The following PTPRT variants were observed in gnomAD, a reference collection of about 807,000 sequenced individuals.
PTPRT encodes the protein receptor-type tyrosine-protein phosphatase T.
Under a neutral mutation model 176.8 loss-of-function variants are expected in PTPRT, and 56 were observed. The ratio of observed to expected loss-of-function variants is 0.32; its 90% CI spans 0.26 to 0.40. The LOEUF (loss-of-function observed/expected upper bound fraction) is 0.40, where lower values mean the gene tolerates loss of function less well. PTPRT is among the 10% of genes least tolerant of loss of function. The pLI, the probability that PTPRT is intolerant of heterozygous loss-of-function variation, is 1.00. For synonymous variants in PTPRT, 783 were observed against 739.0 expected (o/e 1.06, Z -0.96); for missense variants, 1,540 against 1,908.2 (o/e 0.81, Z 3.60).
In PTPRT at chr20:42,780,238, C is replaced by T. The variant is rs768757373; in HGVS notation, c.548G>A (p.Arg183Gln). Residue 183 changes from arginine to glutamine, a missense_variant, in exon 4 of 31, where the codon CGG becomes CAG. Arg to Gln is a conservative substitution (Grantham distance 43, BLOSUM62 1). This residue lies in a region of PTPRT where 273 missense variants were observed against 432.1 expected (regional missense o/e 0.63). Coordinates refer to ENST00000373187, the MANE Select transcript of PTPRT (RefSeq NM_007050.6). The part of the protein sequence containing the change: ...HPGYIAVDEV[R>Q]VLAHPCRKAP... ...CTTACTGCATGGATGAGCAAGGACC[C>T]GGACCTCGTCCACGGCGATGTAGCC... is the stretch of plus-strand genomic sequence containing the variant. 5 of 1,613,952 alleles carry T rather than the reference C, an allele frequency of 3.1e-6. No individual in the cohort carries two copies. In the East Asian group the frequency reaches 6.7e-5, roughly 22 times the overall value.
chr20:43,121,225 A>G (rs1403215687), intron 1 of PTPRT, among the ~76,000 whole-genome samples: 2 of 152,120 alleles, frequency 1.3e-5, no homozygotes, highest in African/African-American at 4.8e-5. Flanking sequence ...ATTTCTTTGC[A>G]TAAAATATAT....
At chr20:43,137,704 G>T (rs1182381915) in intron 1 of PTPRT, among the ~76,000 whole-genome samples, 1 of 152,178 alleles carries the variant, frequency 6.6e-6, no homozygotes, top group East Asian at 1.9e-4. Context: ...CCTTTGCAGA[G>T]ACTGCAGCCC....
At chr20:42,812,357 G>C (rs2077710581) in intron 2 of PTPRT, among the ~76,000 whole-genome samples, 1 of 152,048 alleles carries the variant, frequency 6.6e-6, no homozygotes, top group South Asian at 2.1e-4. Flanking sequence ...TCACCCCAAA[G>C]AGAAATTTTG....
At chr20:42,481,668 G>A (rs1484173315) in intron 7 of PTPRT, among the ~76,000 whole-genome samples, 1 of 151,164 alleles carries the variant, frequency 6.6e-6, no homozygotes, top group African/African-American at 2.4e-5. Flanking sequence ...CTCACTATTT[G>A]CCCAAGCGGG....
At chr20:42,760,380 CTTTTTTTTTTTTTTTTT>C (rs754362528) in intron 5 of PTPRT, among the ~76,000 whole-genome samples, 14 of 94,244 alleles carry the variant, frequency 1.5e-4, no homozygotes, top group Non-Finnish European at 1.9e-4. Flanking sequence ...TCTAAATCTG[CTTTTTTTTTTTTTTTTT>C]TTTTTTTTTT....
intron 6 of PTPRT, among the ~76,000 whole-genome samples, chr20:42,716,692 T>A (rs2076228786): frequency 1.3e-5 from 2 of 152,138 alleles, no homozygotes. Flanking sequence ...TTTCTCCCAT[T>A]CCCAAAGGAT....
At chr20:42,952,204 T>C (rs1275616878) in intron 1 of PTPRT, among the ~76,000 whole-genome samples, 1 of 152,172 alleles carries the variant, frequency 6.6e-6, no homozygotes, top group East Asian at 1.9e-4. Context: ...AGTCCACACG[T>C]CATGCCACCA....
At position 42,161,623 on chromosome 20, in the gene PTPRT, T is replaced by C. The variant is rs1989605122; in HGVS notation, c.2492-81A>G. The C allele has an allele frequency of 2.1e-6, 3 of 1,457,788 alleles. No homozygotes were observed. The East Asian group carries it at 7.0e-5, about 34-fold the overall frequency. The allele number at this position is 1,457,788 out of a possible 1,614,324, so 90.3% of individuals were successfully genotyped here. On this transcript the variant is annotated intron_variant, in intron 16 of 30. Transcript: ENST00000373187. ...CCTCCCTGTCTCCCCCAGCTTGGCC[T>C]GAGGAGGGCAGAGGGAACCAACTTG...
At chr20:42,590,841 G>A (rs748807325) in intron 7 of PTPRT, among the ~76,000 whole-genome samples, 5 of 151,688 alleles carry the variant, frequency 3.3e-5, no homozygotes, top group African/African-American at 4.8e-5. Context: ...TTAAAACCTC[G>A]ATAATTGATT....
chr20:42,439,943 T>C (rs1449440313), intron 9 of PTPRT, among the ~76,000 whole-genome samples: 1 of 152,216 alleles, frequency 6.6e-6, no homozygotes, highest in East Asian at 1.9e-4. Context: ...AGTCTCGCTC[T>C]GTTGCCAGGC....
At chr20:43,139,409 C>T (rs1827836491) in intron 1 of PTPRT, among the ~76,000 whole-genome samples, 3 of 152,186 alleles carry the variant, frequency 2.0e-5, no homozygotes, top group Admixed American at 2.0e-4. Flanking sequence ...CTTGGAGAAG[C>T]TCCGAGCAGT....
chr20:42,889,778 G>A (rs1338955872), intron 1 of PTPRT, among the ~76,000 whole-genome samples: 2 of 152,200 alleles, frequency 1.3e-5, no homozygotes, highest in African/African-American at 4.8e-5. Flanking sequence ...AATACTGCAT[G>A]ATGACAAAAA....
intron 9 of PTPRT, among the ~76,000 whole-genome samples, chr20:42,381,250 C>G (rs553563356): frequency 2.6e-5 from 4 of 152,140 alleles, no homozygotes; most frequent in Non-Finnish European, 5.9e-5. Context: ...TAGGGTGATA[C>G]TTTTGAGCCC....
intron 27 of PTPRT, among the ~76,000 whole-genome samples, chr20:42,088,202 A>G (rs915054726): frequency 6.6e-6 from 1 of 152,196 alleles, no homozygotes; most frequent in African/African-American, 2.4e-5. Flanking sequence ...GTTACCCTGA[A>G]GATATAGCCA....
At position 42,756,448 on chromosome 20, in the gene PTPRT, C is replaced by A. The variant is rs1260878973; in HGVS notation, c.859+14G>T. On this transcript the variant is annotated intron_variant, in intron 6 of 30. Coordinates refer to ENST00000373187, the MANE Select transcript of PTPRT (RefSeq NM_007050.6). ...CCTTCCATGGCAGTAGAGGCGCAGG[C>A]TGGAGGCACTCACCTTTCACGATCA... 1.3e-6 allele frequency: 2 copies of A among 1,530,860 alleles called. No individual in the cohort carries two copies. Among genetic ancestry groups the A allele is most frequent in the Non-Finnish European group, 8.8e-7 (1 of 1,133,374 alleles). 94.8% of individuals were successfully genotyped at this position (1,530,860 alleles called of 1,614,324 possible).
At chr20:42,345,866 G>A (rs1000354411) in intron 11 of PTPRT, among the ~76,000 whole-genome samples, 10 of 152,066 alleles carry the variant, frequency 6.6e-5, no homozygotes, top group South Asian at 6.2e-4. Context: ...AAAGGAAACC[G>A]GAAACAAGGC....
chr20:42,476,339 A>G (rs1044394326), intron 7 of PTPRT, among the ~76,000 whole-genome samples: 9 of 152,302 alleles, frequency 5.9e-5, no homozygotes, highest in Admixed American at 5.9e-4. Context: ...CAAATGGCAG[A>G]ATATTGGGTG....
At chr20:42,245,938 T>G (rs1008215091) in intron 14 of PTPRT, among the ~76,000 whole-genome samples, 1 of 152,172 alleles carries the variant, frequency 6.6e-6, no homozygotes, top group African/African-American at 2.4e-5. Context: ...GTTGTAGCAG[T>G]GTTGGCCTCT....
chr20:43,084,658 C>T (rs150964137), intron 1 of PTPRT, among the ~76,000 whole-genome samples: 150 of 152,220 alleles, frequency 9.9e-4, no homozygotes, highest in African/African-American at 3.5e-3. Flanking sequence ...TTTTAATCAT[C>T]GTTTGTTATT....
Sources: allele counts gnomAD v4.1 joint callset (sites outside exome capture counted in the v4.1 genomes callset), GRCh38; gene constraint gnomAD v4.1.1; regional missense constraint gnomAD v4.1.1; transcripts MANE v1.5; gene names NCBI Gene and HGNC (gene_info 2026-07-23, HGNC 2026-07-21).